Variants in CDH4 observed in about 807,000 individuals in gnomAD.
CDH4 encodes cadherin-4.
A neutral mutation model predicts 86.0 loss-of-function variants in CDH4; 33 were observed. The ratio of observed to expected loss-of-function variants is 0.38; its 90% CI spans 0.29 to 0.51. CDH4 has a LOEUF of 0.51. Ranked by LOEUF, CDH4 falls within the 20% of genes least tolerant of loss-of-function variation. The pLI is 0.86. For synonymous variants in CDH4, 555 were observed against 549.4 expected, an observed-to-expected ratio of 1.01 and a Z score of -0.14; for missense variants, 1,114 against 1,307.4, an observed-to-expected ratio of 0.85 and a Z score of 2.28.
chr20:61,823,071 T>C (rs1240055071), intron 4 of CDH4, among the ~76,000 whole-genome samples: 1 of 152,144 alleles, frequency 6.6e-6, no homozygotes, highest in East Asian at 1.9e-4. Flanking sequence ...ACAGTTCCGG[T>C]CCCAAAACTG....
At chr20:61,390,390 G>A (rs1292615105) in intron 2 of CDH4, among the ~76,000 whole-genome samples, 4 of 118,144 alleles carry the variant, frequency 3.4e-5, no homozygotes, top group Admixed American at 1.6e-4. Flanking sequence ...CCATAGTGCC[G>A]TGTCTGGGAA....
chr20:61,619,591 C>T (rs983007233), intron 2 of CDH4, among the ~76,000 whole-genome samples: 4 of 152,198 alleles, frequency 2.6e-5, no homozygotes, highest in Non-Finnish European at 4.4e-5. Context: ...CAGGACAGAG[C>T]GATGTCTGCT....
intron 4 of CDH4, among the ~76,000 whole-genome samples, chr20:61,808,296 A>G (rs566419883): frequency 6.6e-6 from 1 of 151,980 alleles, no homozygotes; most frequent in Non-Finnish European, 1.5e-5. Flanking sequence ...AAGGGATACA[A>G]TCTGTTTTCT....
intron 2 of CDH4, among the ~76,000 whole-genome samples, chr20:61,521,780 G>T (rs1394495446): frequency 6.6e-6 from 1 of 152,190 alleles, no homozygotes; most frequent in Non-Finnish European, 1.5e-5. Context: ...TCGTGAGCCC[G>T]GCCGTCTGTA....
chr20:61,683,024 G>A lies in CDH4; in HGVS notation c.170-60539G>A, dbSNP rs78052415. On this transcript the variant is annotated intron_variant, in intron 2 of 15. Transcript: ENST00000614565. ...AAAAAATCCTGTATCTTTTTATAAA[G>A]ATGGAAATGACAGCCCAGAGTCTAT... Among the ~76,000 whole-genome samples, 2,858 of 152,166 alleles carry A rather than the reference G, an allele frequency of 0.019. 142 individuals carry two copies. In the East Asian group the frequency reaches 0.23, roughly 12 times the overall value.
chr20:61,852,935 G>A (rs1982801210), intron 6 of CDH4, 37 bp downstream of exon 6: 1 of 1,609,490 alleles, frequency 6.2e-7, no homozygotes, highest in Non-Finnish European at 8.5e-7. Context: ...GAGACCCTGT[G>A]GGCTCTGCGG....
At chr20:61,560,948 C>T (rs914463622) in intron 2 of CDH4, among the ~76,000 whole-genome samples, 12 of 152,306 alleles carry the variant, frequency 7.9e-5, no homozygotes, top group African/African-American at 2.6e-4. Context: ...TGTGACCAGC[C>T]GTTTATACCC....
intron 3 of CDH4, among the ~76,000 whole-genome samples, chr20:61,746,513 A>G (rs13041720): frequency 0.067 from 10,224 of 152,304 alleles, 451 homozygotes; most frequent in South Asian, 0.16. Flanking sequence ...TGTGCTGCAC[A>G]GGAGAACTGA....
chr20:61,648,878 G>T (rs749029164), intron 2 of CDH4, among the ~76,000 whole-genome samples: 3 of 152,188 alleles, frequency 2.0e-5, no homozygotes, highest in Admixed American at 6.5e-5. Context: ...CAGGTTTGCA[G>T]GAATCCTACT....
At chr20:61,920,025 CGT>C (rs1190572989) in intron 9 of CDH4, among the ~76,000 whole-genome samples, 4 of 8,302 alleles carry the variant, frequency 4.8e-4, no homozygotes, top group African/African-American at 9.3e-4. Context: ...TGCGTGGAAG[CGT>C]GTCGTGATTG....
rs965503008 is a variant in CDH4 at position 61,810,171 on chromosome 20, G to A, written c.577-34497G>A. Among the ~76,000 whole-genome samples the A allele has an allele frequency of 3.3e-5, 5 of 152,210 alleles. No individual in the cohort carries two copies. Among genetic ancestry groups the A allele is most frequent in the Non-Finnish European group, 7.3e-5 (5 of 68,032 alleles). On this transcript the variant is annotated intron_variant, in intron 4 of 15. Transcript: ENST00000614565. The surrounding 1 kb of genome is among the most constrained non-coding windows in gnomAD (Gnocchi z 4.3). ...AGCCTAGACCTGTTCTCAAGACGGA[G>A]ACAGAGATGGGTGAGGGAGGCCGGG...
chr20:61,357,919 G>A (rs887924458), intron 2 of CDH4, among the ~76,000 whole-genome samples: 7 of 152,004 alleles, frequency 4.6e-5, no homozygotes, highest in Admixed American at 2.0e-4. Context: ...CTACAACACC[G>A]ACATAATTAT....
intron 4 of CDH4, among the ~76,000 whole-genome samples, chr20:61,814,817 G>A (rs188905821): frequency 5.9e-5 from 9 of 152,258 alleles, no homozygotes; most frequent in South Asian, 4.1e-4. Flanking sequence ...TGTTGATGCC[G>A]ACCTTTCCTT....
chr20:61,344,470 T>C (rs2084665937), intron 2 of CDH4, among the ~76,000 whole-genome samples: 1 of 152,250 alleles, frequency 6.6e-6, no homozygotes, highest in Non-Finnish European at 1.5e-5. Flanking sequence ...ATTATGGTTG[T>C]TAACATGGTG....
intron 2 of CDH4, among the ~76,000 whole-genome samples, chr20:61,536,180 G>A (rs1004798032): frequency 5.3e-5 from 8 of 152,180 alleles, no homozygotes; most frequent in African/African-American, 1.9e-4. Flanking sequence ...GCTCGGAGAA[G>A]CCTCACTGCC....
At chr20:61,278,081 GC>G (rs2084240161) in intron 2 of CDH4, among the ~76,000 whole-genome samples, 1 of 152,232 alleles carries the variant, frequency 6.6e-6, no homozygotes, top group East Asian at 1.9e-4. Context: ...GCATCTGTGA[GC>G]CAGGCAATTG....
rs558382014 is a variant in CDH4 at position 61,379,401 on chromosome 20, C to T, written c.169+124464C>T. On this transcript the variant is annotated intron_variant, in intron 2 of 15. Transcript: ENST00000614565. Reference sequence around the variant, plus strand: ...CCACGTAGAGTCATCCTGTACTTCTCGCTGTAAATACCAAGCAGGATGGAA... The same window carrying T: ...CCACGTAGAGTCATCCTGTACTTCTTGCTGTAAATACCAAGCAGGATGGAA... Among the ~76,000 whole-genome samples the T allele has an allele frequency of 1.2e-3, 182 of 152,088 alleles. No individual in the cohort carries two copies. In the Middle Eastern group the frequency reaches 0.021, roughly 17 times the overall value.
chr20:61,617,223 C>T (rs1162748525), intron 2 of CDH4, among the ~76,000 whole-genome samples: 4 of 152,154 alleles, frequency 2.6e-5, no homozygotes, highest in African/African-American at 7.2e-5. Flanking sequence ...CACGCTGTGT[C>T]GTGTCTGCCT....
At chr20:61,312,495 C>G (rs1330796488) in intron 2 of CDH4, among the ~76,000 whole-genome samples, 1 of 152,098 alleles carries the variant, frequency 6.6e-6, no homozygotes, top group Non-Finnish European at 1.5e-5. Context: ...CCGCCAGCCC[C>G]CGGGTGCACA....
Sources: allele counts gnomAD v4.1 joint callset (sites outside exome capture counted in the v4.1 genomes callset), GRCh38; gene constraint gnomAD v4.1.1; non-coding constraint Gnocchi (gnomAD v3.1); transcripts MANE v1.5; gene names NCBI Gene and HGNC (gene_info 2026-07-23, HGNC 2026-07-21).